The following SSH1 variants were observed in gnomAD, a reference collection of about 807,000 sequenced individuals.
The protein encoded by SSH1 is protein phosphatase Slingshot homolog 1.
A neutral mutation model predicts 79.7 loss-of-function variants in SSH1; 43 were observed. That is an observed-to-expected ratio of 0.54 (90% CI 0.42 to 0.70). SSH1 has a LOEUF of 0.70. Ranked by LOEUF, SSH1 falls within the 30% of genes least tolerant of loss-of-function variation. The pLI, the probability that SSH1 is intolerant of heterozygous loss-of-function variation, is 0.00. For missense variants in SSH1, 1,206 were observed against 1,358.8 expected (o/e 0.89, Z 1.77); for synonymous variants, 599 against 538.3 (o/e 1.11, Z -1.56).
chr12:108,818,105 G>A (rs1328673133), intron 4 of SSH1, 144 bp downstream of exon 4: 2 of 682,066 alleles, frequency 2.9e-6, no homozygotes, highest in African/African-American at 3.6e-5. Flanking sequence ...GGCTGAGGTG[G>A]GAAGATTGCT....
intron 2 of SSH1, among the ~76,000 whole-genome samples, chr12:108,832,566 C>T (rs1341096087): frequency 1.3e-5 from 2 of 152,184 alleles, no homozygotes; most frequent in Non-Finnish European, 2.9e-5. Context: ...CCAGGCCTAG[C>T]AAAGTGAAGT....
rs544760071 is a variant in SSH1 at position 108,783,661 on chromosome 12, C to T, written c.*4327G>A. ...CACTGGTCACAGTTTCATTCCAGAT[C>T]GTTAAGGTGATTTGCTCTGTGGCTC... On this transcript the variant is annotated 3_prime_UTR_variant, in exon 15 of 15. Coordinates refer to ENST00000326495, the MANE Select transcript of SSH1 (RefSeq NM_018984.4). 1 of 152,308 alleles carries T rather than the reference C, an allele frequency of 6.6e-6. No homozygotes were observed. The highest frequency in any genetic ancestry group is 1.5e-5 in the Non-Finnish European group (1 of 68,050). The allele number at this position is 152,308 out of a possible 1,614,324, so 9.4% of individuals were successfully genotyped here. A position where few individuals can be genotyped will look rare whatever the true frequency, so the allele number is the denominator to read the frequency against.
rs1283366998 is a variant in SSH1 at position 108,782,028 on chromosome 12, T to G, written c.*5960A>C. ...TACTGGGGAGGCTGAGGTGGGAGGA[T>G]TGCTTGAGGCAGGAGGATCACTTTA... On this transcript the variant is annotated 3_prime_UTR_variant, in exon 15 of 15. Coordinates refer to ENST00000326495, the MANE Select transcript of SSH1 (RefSeq NM_018984.4). 1 of 150,574 alleles carries G rather than the reference T, an allele frequency of 6.6e-6. No individual in the cohort carries two copies. Among genetic ancestry groups the G allele is most frequent in the Non-Finnish European group, 1.5e-5 (1 of 67,836 alleles). The allele number at this position is 150,574 out of a possible 1,614,324, so 9.3% of individuals were successfully genotyped here.
rs769219954 is a variant in SSH1, at chr12:108,780,336, T to TA, written c.*7651dup. 18 of 152,286 alleles carry TA rather than the reference T, an allele frequency of 1.2e-4. No individual in the cohort carries two copies. Among genetic ancestry groups the TA allele is most frequent in the Non-Finnish European group, 2.4e-4 (16 of 68,034 alleles). 9.4% of individuals were successfully genotyped at this position (152,286 alleles called of 1,614,324 possible). ...GGATCGTGCCCAACCGCGAGACAGT[T>TA]ACTCTGAGGAGGAAATCAGGGCAAA... On this transcript the variant is annotated 3_prime_UTR_variant, in exon 15 of 15. Transcript: ENST00000326495.
At position 108,799,211 on chromosome 12, in the gene SSH1, G is replaced by T. The variant is rs1394461398; in HGVS notation, c.1149-11C>A. The stretch of plus-strand genomic sequence containing the variant: ...TTGGAATGGTTCCTCCTGCAGGGGT[G>T]GGAGCAGTTGGGGAGGAGAGATGGG... On this transcript the variant is annotated splice_polypyrimidine_tract_variant and intron_variant, in intron 12 of 14. Transcript: ENST00000326495. 6.2e-7 allele frequency: 1 copy of T among 1,605,894 alleles called. No individual in the cohort carries two copies. The highest frequency in any genetic ancestry group is 1.7e-5 in the Admixed American group (1 of 59,154).
At chr12:108,855,964 G>A (rs2039134987) in intron 1 of SSH1, among the ~76,000 whole-genome samples, 1 of 152,206 alleles carries the variant, frequency 6.6e-6, no homozygotes, top group South Asian at 2.1e-4. Flanking sequence ...CCAGGAGACA[G>A]GGCTGTCAAG....
At chr12:108,840,156 C>G (rs562478842) in intron 2 of SSH1, among the ~76,000 whole-genome samples, 6 of 152,280 alleles carry the variant, frequency 3.9e-5, no homozygotes, top group African/African-American at 1.4e-4. Flanking sequence ...AGCACATCAC[C>G]CTGCATCCCG....
intron 2 of SSH1, among the ~76,000 whole-genome samples, chr12:108,826,620 C>T (rs1275337954): frequency 6.6e-6 from 1 of 152,120 alleles, no homozygotes. Flanking sequence ...CTCTGTGACC[C>T]GGCTTCCTGG....
intron 2 of SSH1, among the ~76,000 whole-genome samples, chr12:108,824,912 A>G (rs2038256666): frequency 6.6e-6 from 1 of 152,202 alleles, no homozygotes; most frequent in Non-Finnish European, 1.5e-5. Flanking sequence ...AAATACACCA[A>G]AATTATTAAC....
At chr12:108,813,031 T>C (rs1332589043) in intron 5 of SSH1, among the ~76,000 whole-genome samples, 2 of 151,846 alleles carry the variant, frequency 1.3e-5, no homozygotes. Flanking sequence ...CCCAGCTTTT[T>C]AAAAAAAACT....
At chr12:108,811,623 A>G (rs1403750317) in intron 5 of SSH1, 2 of 467,488 alleles carry the variant, frequency 4.3e-6, no homozygotes, top group Non-Finnish European at 4.0e-6. Context: ...CGGAGGCCAC[A>G]TGTGTACTTG....
intron 14 of SSH1, chr12:108,792,058 A>T (rs1565968853): frequency 1.4e-6 from 2 of 1,443,010 alleles, no homozygotes; most frequent in Non-Finnish European, 1.8e-6. Context: ...ACAGATTCTC[A>T]ATTTGCTATA....
chr12:108,798,423 C>T (rs1041707449), intron 13 of SSH1, among the ~76,000 whole-genome samples: 7 of 152,200 alleles, frequency 4.6e-5, no homozygotes, highest in South Asian at 2.1e-4. Flanking sequence ...ACTGCAGACT[C>T]GAACTCTTGG....
At chr12:108,827,355 A>T in intron 2 of SSH1, 1 of 1,547,412 alleles carries the variant, frequency 6.5e-7, no homozygotes, top group Non-Finnish European at 8.7e-7. Context: ...TCGTGGCTGC[A>T]GTGCTCACAT....
At chr12:108,798,871 A>G in intron 13 of SSH1, 129 bp downstream of exon 13, 1 of 1,055,192 alleles carries the variant, frequency 9.5e-7, no homozygotes. Context: ...GAGAGGCAGG[A>G]TTTTGGCTGT....
intron 2 of SSH1, among the ~76,000 whole-genome samples, chr12:108,849,187 G>A (rs957862296): frequency 1.3e-5 from 2 of 152,182 alleles, no homozygotes; most frequent in African/African-American, 4.8e-5. Flanking sequence ...AGCTGCCAAA[G>A]CTTTATTTCC....
chr12:108,818,705 G>A (rs1403607185), intron 3 of SSH1, among the ~76,000 whole-genome samples: 1 of 152,226 alleles, frequency 6.6e-6, no homozygotes, highest in Non-Finnish European at 1.5e-5. Flanking sequence ...TAAGGCATTT[G>A]CTAAGAGTTA....
chr12:108,826,816 T>C (rs562521925), intron 2 of SSH1, among the ~76,000 whole-genome samples: 38 of 152,280 alleles, frequency 2.5e-4, no homozygotes, highest in Middle Eastern at 3.4e-3. Flanking sequence ...CACGCTCACT[T>C]TACCAGGTGT....
In SSH1 at chr12:108,788,298, T is replaced by C. The variant is rs774736977; in HGVS notation, c.2840A>G (p.Lys947Arg). 6.2e-7 allele frequency: 1 copy of C among 1,613,414 alleles called. No individual in the cohort carries two copies. The highest frequency in any genetic ancestry group is 1.1e-5 in the South Asian group (1 of 91,060). ...TGTCCGCTGCTTCACCAGCCCGGGC[T>C]TCCCACGGACACTGTGGATGCTATC... ...SSDSIHSVRG[K>R]PGLVKQRTQE... Residue 947 changes from lysine (K) to arginine (R), a missense_variant, in exon 15 of 15, where the codon AAG (lysine) becomes AGG (arginine). Lys to Arg is a conservative substitution (Grantham distance 26, BLOSUM62 2). Coordinates refer to ENST00000326495, the MANE Select transcript of SSH1 (RefSeq NM_018984.4).
Sources: allele counts gnomAD v4.1 joint callset (sites outside exome capture counted in the v4.1 genomes callset), GRCh38; gene constraint gnomAD v4.1.1; transcripts MANE v1.5; gene names NCBI Gene and HGNC (gene_info 2026-07-23, HGNC 2026-07-21).